The following MCF2L variants were observed in gnomAD, a reference collection of about 807,000 sequenced individuals.
The protein encoded by MCF2L is guanine nucleotide exchange factor DBS.
In MCF2L, 97 loss-of-function variants were observed where a neutral mutation model predicts 153.4. The observed-to-expected ratio is 0.63, with a 90% CI of 0.54 to 0.75. The LOEUF (loss-of-function observed/expected upper bound fraction) is 0.75. Among genes scored for constraint, MCF2L ranks in the 30% least tolerant of loss-of-function variants. MCF2L has a pLI of 0.00. For synonymous variants in MCF2L, 659 were observed against 632.2 expected (o/e 1.04, Z -0.64); for missense variants, 1,347 against 1,495.2 (o/e 0.90, Z 1.64).
intron 1 of MCF2L, among the ~76,000 whole-genome samples, chr13:112,998,828 C>T (rs1053085043): frequency 6.6e-6 from 1 of 152,166 alleles, no homozygotes; most frequent in Non-Finnish European, 1.5e-5. Flanking sequence ...GCCGTGCGAG[C>T]TCCCACGGCC....
chr13:112,971,300 C>G (rs374281790), intron 1 of MCF2L, among the ~76,000 whole-genome samples: 66 of 152,284 alleles, frequency 4.3e-4, no homozygotes, highest in African/African-American at 1.5e-3. Flanking sequence ...AGGAGAGTTC[C>G]CCACCTGCAG....
chr13:113,075,922 C>A, intron 11 of MCF2L, 44 bp from the exon 12 acceptor site: 1 of 1,499,210 alleles, frequency 6.7e-7, no homozygotes, highest in Non-Finnish European at 9.1e-7. Context: ...GACGCTCTCA[C>A]CCTCTCACGG....
intron 2 of MCF2L, among the ~76,000 whole-genome samples, chr13:112,940,366 G>T (rs1011206709): frequency 1.3e-5 from 2 of 152,244 alleles, no homozygotes; most frequent in Non-Finnish European, 2.9e-5. Context: ...CACGGGGAAG[G>T]TGCCCAGGCT....
intron 3 of MCF2L, among the ~76,000 whole-genome samples, chr13:113,038,263 A>T (rs1017101008): frequency 6.6e-6 from 1 of 152,096 alleles, no homozygotes; most frequent in Non-Finnish European, 1.5e-5. Context: ...CAGGAGATCG[A>T]GATCATCCTG....
Position 113,045,525 on chromosome 13 carries a change from C to A in MCF2L, c.369+164C>A. The A allele has an allele frequency of 4.7e-6, 3 of 636,298 alleles. No homozygotes were observed. Among genetic ancestry groups the A allele is most frequent in the South Asian group, 3.7e-5 (2 of 54,568 alleles). The allele number at this position is 636,298 out of a possible 1,614,324, so 39.4% of individuals were successfully genotyped here. On this transcript the variant is annotated intron_variant, in intron 4 of 29. Coordinates refer to ENST00000535094, the MANE Select transcript of MCF2L (RefSeq NM_001112732.3). This position sits in a 1 kb window ranked among gnomAD's most constrained non-coding sequence, Gnocchi z 4.2. ...GGCGCCAAGGCCCCCCCTGCTTGGG[C>A]TCCCAAGGCACTGGTGCCTGGGTGT...
Position 112,907,029 on chromosome 13 carries a change from G to T in MCF2L, c.169+4658G>T, listed in dbSNP as rs946650238. 3.3e-5 allele frequency among the ~76,000 whole-genome samples: 5 copies of T among 152,174 alleles called. No homozygotes were observed. The highest frequency in any genetic ancestry group is 7.3e-5 in the Non-Finnish European group (5 of 68,048). On this transcript the variant is annotated intron_variant, in intron 2 of 29. Transcript: ENST00000375608. The surrounding 1 kb of genome is among the most constrained non-coding windows in gnomAD (Gnocchi z 5.1). ...GAAACAGACACATTTGCCGCCTTGG[G>T]TGGAGTCGCGACATTGCTGTTTCTA... is the stretch of plus-strand genomic sequence containing the variant.
intron 1 of MCF2L, among the ~76,000 whole-genome samples, chr13:112,988,228 TC>T (rs1300835578): frequency 5.9e-4 from 88 of 150,194 alleles, no homozygotes; most frequent in Non-Finnish European, 4.4e-5. Context: ...TCTGTGGTCC[TC>T]GTCTACTGTG....
intron 26 of MCF2L, among the ~76,000 whole-genome samples, chr13:113,092,266 C>T (rs1028370072): frequency 2.6e-5 from 4 of 152,366 alleles, no homozygotes; most frequent in African/African-American, 9.6e-5. Flanking sequence ...GCTTCCGTCT[C>T]GTCATCCATG....
At chr13:112,926,927 A>C (rs2081413408) in intron 2 of MCF2L, among the ~76,000 whole-genome samples, 1 of 152,244 alleles carries the variant, frequency 6.6e-6, no homozygotes, top group Non-Finnish European at 1.5e-5. Context: ...TAAGCATATG[A>C]GTTAAGACAT....
Position 112,922,290 on chromosome 13 carries a change from A to G in MCF2L, c.169+19919A>G, listed in dbSNP as rs1348909940. Among the ~76,000 whole-genome samples the G allele has an allele frequency of 3.3e-5, 5 of 152,240 alleles. No individual in the cohort carries two copies. The East Asian group carries it at 9.6e-4, about 29-fold the overall frequency. The stretch of plus-strand genomic sequence containing the variant: ...AAAGGAAAGAGCTCTTCCCCGAAAG[A>G]GCAAGCCAGATTATTCCACACAGAA... On this transcript the variant is annotated intron_variant, in intron 2 of 29. Coordinates refer to the MCF2L transcript ENST00000375608.
chr13:112,965,937 A>G (rs899300863), upstream of MCF2L: 1 of 152,166 alleles, frequency 6.6e-6, no homozygotes, highest in Non-Finnish European at 1.5e-5. Flanking sequence ...TGTGGATGCC[A>G]TTCCCCTCAC....
chr13:113,074,929 G>T lies in MCF2L; in HGVS notation c.1117-69G>T, dbSNP rs146356900. On this transcript the variant is annotated intron_variant, in intron 10 of 29. Coordinates refer to ENST00000535094, the MANE Select transcript of MCF2L (RefSeq NM_001112732.3). This position sits in a 1 kb window ranked among gnomAD's most constrained non-coding sequence, Gnocchi z 4.2. ...ACGTGTGCCCCGGGACACACATCCCGTACAGCAAGGCACTGTGTGCCTCGA... is the reference window on the plus strand; with the variant it reads ...ACGTGTGCCCCGGGACACACATCCCTTACAGCAAGGCACTGTGTGCCTCGA... 3.7e-5 allele frequency: 51 copies of T among 1,392,490 alleles called. No individual in the cohort carries two copies. Among genetic ancestry groups the T allele is most frequent in the Non-Finnish European group, 4.7e-5 (48 of 1,017,644 alleles). The allele number at this position is 1,392,490 out of a possible 1,614,324, so 86.3% of individuals were successfully genotyped here. A position where few individuals can be genotyped will look rare whatever the true frequency, so the allele number is the denominator to read the frequency against.
At position 113,014,916 on chromosome 13, in the gene MCF2L, C is replaced by G. The variant is rs186052992; in HGVS notation, c.163+70C>G. 3.3e-4 allele frequency: 472 copies of G among 1,426,790 alleles called. 4 individuals are homozygous for G. The African/African-American group carries it at 4.9e-3, about 15-fold the overall frequency. The allele number at this position is 1,426,790 out of a possible 1,614,324, so 88.4% of individuals were successfully genotyped here. A position where few individuals can be genotyped will look rare whatever the true frequency, so the allele number is the denominator to read the frequency against. ...GGCCGGGTGTGGGCCGAGCAGCCCCCGTGGCCTGGCCCAGGCTGGAGCTGG... is the reference window on the plus strand; with the variant it reads ...GGCCGGGTGTGGGCCGAGCAGCCCCGGTGGCCTGGCCCAGGCTGGAGCTGG... On this transcript the variant is annotated intron_variant, in intron 2 of 29. Coordinates refer to ENST00000535094, the MANE Select transcript of MCF2L (RefSeq NM_001112732.3).
intron 1 of MCF2L, among the ~76,000 whole-genome samples, chr13:113,008,558 C>T (rs1261669118): frequency 2.6e-5 from 4 of 152,242 alleles, no homozygotes; most frequent in Non-Finnish European, 5.9e-5. Flanking sequence ...AAGTGATGCT[C>T]TCTGGATGGG....
chr13:112,981,596 C>T (rs2082428439), intron 1 of MCF2L, among the ~76,000 whole-genome samples: 1 of 152,234 alleles, frequency 6.6e-6, no homozygotes, highest in South Asian at 2.1e-4. Context: ...GCACAGATCA[C>T]CTGGGTGTAG....
intron 2 of MCF2L, among the ~76,000 whole-genome samples, chr13:112,928,817 GCTC>G (rs1362715363): frequency 6.6e-6 from 1 of 152,242 alleles, no homozygotes; most frequent in African/African-American, 2.4e-5. Context: ...GGATGTGCGT[GCTC>G]CTCAGACCCT....
At chr13:112,999,335 G>C (rs995036936) in intron 1 of MCF2L, among the ~76,000 whole-genome samples, 2 of 150,008 alleles carry the variant, frequency 1.3e-5, no homozygotes, top group African/African-American at 4.9e-5. Flanking sequence ...GAAGAGGGGA[G>C]CAGCTGATTT....
intron 2 of MCF2L, among the ~76,000 whole-genome samples, chr13:112,910,796 C>T (rs2081222840): frequency 6.6e-6 from 1 of 152,268 alleles, no homozygotes; most frequent in Non-Finnish European, 1.5e-5. Context: ...CTCTTCTCGC[C>T]TTCACCTTCC....
intron 2 of MCF2L, among the ~76,000 whole-genome samples, chr13:112,911,486 G>A (rs976337439): frequency 6.6e-6 from 1 of 152,178 alleles, no homozygotes; most frequent in Non-Finnish European, 1.5e-5. Context: ...CGTGATCCCC[G>A]GATCCTGCCT....
Sources: gnomAD v4.1 joint callset for allele counts (sites outside exome capture counted in the v4.1 genomes callset) on GRCh38, gnomAD v4.1.1 for gene constraint, Gnocchi (gnomAD v3.1) non-coding constraint, MANE v1.5 for transcripts, NCBI Gene and HGNC (gene_info 2026-07-23, HGNC 2026-07-21) for gene names.